OSBPL9: variants seen among roughly 807,000 people sequenced by gnomAD.
OSBPL9 encodes the protein oxysterol binding protein like 9.
In OSBPL9, 40 loss-of-function variants were observed where a neutral mutation model predicts 106.6. That is an observed-to-expected ratio of 0.38 (90% CI 0.29 to 0.49). The LOEUF is 0.49. Among genes scored for constraint, OSBPL9 ranks in the 20% least tolerant of loss-of-function variants. The pLI is 0.97. For synonymous variants in OSBPL9, 269 were observed against 295.4 expected, an observed-to-expected ratio of 0.91 and a Z score of 0.92; for missense variants, 609 against 887.2, an observed-to-expected ratio of 0.69 and a Z score of 3.98.
the OSBPL9 span, among the ~76,000 whole-genome samples, chr1:51,546,231 G>A: frequency 6.6e-6 from 1 of 151,998 alleles, no homozygotes; most frequent in Non-Finnish European, 1.5e-5. Flanking sequence ...TGCCCAGGCT[G>A]GTCTCGAATT....
intron 14 of OSBPL9, among the ~76,000 whole-genome samples, chr1:51,776,555 G>A (rs1190003809): frequency 6.6e-6 from 1 of 152,150 alleles, no homozygotes; most frequent in Non-Finnish European, 1.5e-5. Context: ...GTTTGTTGTT[G>A]TTACTATACT....
upstream of OSBPL9, among the ~76,000 whole-genome samples, chr1:51,615,564 C>A (rs1394726665): frequency 6.6e-6 from 1 of 152,128 alleles, no homozygotes; most frequent in Non-Finnish European, 1.5e-5. Flanking sequence ...CCCAGTTTTT[C>A]CCTCTCTTGA....
chr1:51,773,898 C>T lies in OSBPL9; in HGVS notation c.1170+1175C>T, dbSNP rs75901517. On this transcript the variant is annotated intron_variant, in intron 14 of 23. Coordinates refer to ENST00000428468, the MANE Select transcript of OSBPL9 (RefSeq NM_024586.6). The stretch of plus-strand genomic sequence containing the variant: ...TAGGAGAACATTTGCAGGAGTTTGT[C>T]CCCGGAATTGCTTCAGTAATCATTA... 2.6e-3 allele frequency among the ~76,000 whole-genome samples: 400 copies of T among 152,174 alleles called. 4 individuals carry two copies. The highest frequency in any genetic ancestry group is 0.017 in the South Asian group (82 of 4,818).
chr1:51,650,481 A>G (rs192001447), intron 1 of OSBPL9, among the ~76,000 whole-genome samples: 1 of 152,282 alleles, frequency 6.6e-6, no homozygotes, highest in East Asian at 1.9e-4. Context: ...GTTTTCTTTC[A>G]CTGTGTTATT....
the OSBPL9 span, among the ~76,000 whole-genome samples, chr1:51,545,550 G>A: frequency 6.6e-6 from 1 of 152,184 alleles, no homozygotes; most frequent in African/African-American, 2.4e-5. Context: ...AGGCTGAGGT[G>A]AGAGGATAAC....
At chr1:51,613,895 C>T (rs1644006816), upstream of OSBPL9, among the ~76,000 whole-genome samples, 1 of 152,094 alleles carries the variant, frequency 6.6e-6, no homozygotes, top group African/African-American at 2.4e-5. Context: ...GCATGAGCCA[C>T]CACAACCTCA....
chr1:51,785,489 A>G (rs767830385), intron 20 of OSBPL9: 120 of 282,698 alleles, frequency 4.2e-4, no homozygotes, highest in Admixed American at 1.1e-3. Flanking sequence ...TAGAATTTCA[A>G]TGGTGGTTAC....
chr1:51,672,547 T>C (rs1650140715), intron 3 of OSBPL9, among the ~76,000 whole-genome samples: 1 of 152,018 alleles, frequency 6.6e-6, no homozygotes, highest in Non-Finnish European at 1.5e-5. Flanking sequence ...CATTGTAGAA[T>C]AGATGTTTTG....
chr1:51,759,326 C>G (rs1424136720), intron 9 of OSBPL9, among the ~76,000 whole-genome samples: 1 of 151,956 alleles, frequency 6.6e-6, no homozygotes, highest in Non-Finnish European at 1.5e-5. Flanking sequence ...TTTTCTTTAA[C>G]AGTCCTGAAC....
At chr1:51,766,932 G>T (rs1370307849) in intron 12 of OSBPL9, among the ~76,000 whole-genome samples, 3 of 150,604 alleles carry the variant, frequency 2.0e-5, no homozygotes. Flanking sequence ...AAAAAAATTA[G>T]CCAGGCATGG....
chr1:51,774,343 T>C (rs71653011), intron 14 of OSBPL9, among the ~76,000 whole-genome samples: 2 of 152,348 alleles, frequency 1.3e-5, no homozygotes, highest in African/African-American at 4.8e-5. Context: ...ATCATAATTA[T>C]TTTTTACTGA....
At chr1:51,617,933 A>G (rs1456167028) in intron 1 of OSBPL9, among the ~76,000 whole-genome samples, 1 of 151,770 alleles carries the variant, frequency 6.6e-6, no homozygotes, top group Non-Finnish European at 1.5e-5. Context: ...TCAGGGCTTC[A>G]CTGTTGTTAA....
intron 15 of OSBPL9, among the ~76,000 whole-genome samples, chr1:51,779,077 G>A (rs898610638): frequency 2.0e-5 from 3 of 152,166 alleles, no homozygotes; most frequent in Non-Finnish European, 2.9e-5. Flanking sequence ...AAGATGTGGC[G>A]ATTGTTTGGA....
At chr1:51,786,773 C>A (rs1014403249) in intron 22 of OSBPL9, among the ~76,000 whole-genome samples, 156 bp downstream of exon 22, 2 of 152,162 alleles carry the variant, frequency 1.3e-5, no homozygotes, top group Non-Finnish European at 2.9e-5. Flanking sequence ...CCACTTACTA[C>A]CTTTGTGACC....
At chr1:51,713,046 A>G (rs188578179) in intron 3 of OSBPL9, among the ~76,000 whole-genome samples, 2 of 152,260 alleles carry the variant, frequency 1.3e-5, no homozygotes, top group African/African-American at 2.4e-5. Flanking sequence ...CAACTAGAAC[A>G]TGGACTGTTT....
chr1:51,619,500 C>T (rs1644293811), intron 1 of OSBPL9, among the ~76,000 whole-genome samples: 1 of 151,910 alleles, frequency 6.6e-6, no homozygotes, highest in African/African-American at 2.4e-5. Flanking sequence ...AGACTAGATT[C>T]CCTAAAATAT....
chr1:51,687,834 G>C (rs1489573862), intron 3 of OSBPL9, among the ~76,000 whole-genome samples: 1 of 152,210 alleles, frequency 6.6e-6, no homozygotes, highest in Non-Finnish European at 1.5e-5. Flanking sequence ...TTTAGTCAGG[G>C]AAGCCTCCTC....
At chr1:51,596,258 CAA>C (rs35791042) in intron 1 of OSBPL9, among the ~76,000 whole-genome samples, 13 of 48,360 alleles carry the variant, frequency 2.7e-4, no homozygotes, top group South Asian at 7.1e-4. Context: ...GACGCTGTCT[CAA>C]AAAAAAAAAA....
the OSBPL9 span, among the ~76,000 whole-genome samples, chr1:51,544,837 C>CTGTTT: frequency 1.2e-5 from 1 of 80,260 alleles, no homozygotes; most frequent in Non-Finnish European, 2.3e-5. Context: ...AAGAGACATG[C>CTGTTT]TTTTTTTTTT....
Sources: allele counts gnomAD v4.1 joint callset (sites outside exome capture counted in the v4.1 genomes callset), GRCh38; gene constraint gnomAD v4.1.1; transcripts MANE v1.5; gene names NCBI Gene and HGNC (gene_info 2026-07-23, HGNC 2026-07-21).